The following CSTL1 variants were observed in gnomAD, a reference collection of about 807,000 sequenced individuals.
CSTL1 encodes cystatin like 1.
In CSTL1, 14 loss-of-function variants were observed where a neutral mutation model predicts 14.4. The observed-to-expected ratio is 0.97, with a 90% CI of 0.64 to 1.52. CSTL1 has a LOEUF of 1.52. Ranked by LOEUF, CSTL1 falls within the 40% of genes most tolerant of loss-of-function variation. The pLI, the probability that CSTL1 is intolerant of heterozygous loss-of-function variation, is 0.00. For missense variants in CSTL1, 170 were observed against 168.7 expected (o/e 1.01, Z -0.04); for synonymous variants, 72 against 67.5 (o/e 1.07, Z -0.33).
chr20:23,455,514 G>C, the CSTL1 span, among the ~76,000 whole-genome samples: 7 of 152,234 alleles, frequency 4.6e-5, no homozygotes. Flanking sequence ...CTAGCACGTG[G>C]TGGGGCAGGG....
chr20:23,445,446 A>G (rs1986947662), downstream of CSTL1, among the ~76,000 whole-genome samples: 1 of 151,842 alleles, frequency 6.6e-6, no homozygotes, highest in Admixed American at 6.6e-5. Context: ...TTTTGTGGAG[A>G]CAATATCTCC....
Position 23,440,351 on chromosome 20 carries a change from G to T in CSTL1, c.84G>T (p.Trp28Cys), listed in dbSNP as rs1600271413. 3.1e-6 allele frequency: 5 copies of T among 1,614,200 alleles called. No individual in the cohort carries two copies. In the East Asian group the frequency reaches 1.1e-4, roughly 36 times the overall value. Residue 28 changes from tryptophan (W) to cysteine (C), a missense_variant, in exon 2 of 4, where the codon TGG (tryptophan) becomes TGT (cysteine). Coordinates refer to ENST00000347397, the MANE Select transcript of CSTL1 (RefSeq NM_138283.1). ...LSAKLGHFQR[W>C]EGFQQKLMSK... ...CCAAGCTGGGTCACTTCCAAAGGTG[G>T]GAGGGCTTCCAGCAGAAGCTCATGA...
At chr20:23,451,806 T>A in the CSTL1 span, 1 of 1,607,072 alleles carries the variant, frequency 6.2e-7, no homozygotes, top group East Asian at 2.2e-5. Context: ...AAAGTGCTTT[T>A]ACCCAATACC....
chr20:23,460,166 T>G, the CSTL1 span, among the ~76,000 whole-genome samples: 2 of 152,228 alleles, frequency 1.3e-5, no homozygotes, highest in East Asian at 1.9e-4. Flanking sequence ...AATGGGATCC[T>G]GCTTCACAGC....
downstream of CSTL1, among the ~76,000 whole-genome samples, chr20:23,446,548 G>A (rs535438017): frequency 2.2e-4 from 33 of 152,308 alleles, no homozygotes; most frequent in African/African-American, 7.2e-5. Context: ...GAGCCACTGC[G>A]CCCAGCCTGC....
the CSTL1 span, among the ~76,000 whole-genome samples, chr20:23,457,843 C>A: frequency 3.3e-5 from 5 of 152,130 alleles, no homozygotes; most frequent in Non-Finnish European, 4.4e-5. Flanking sequence ...CTGCAAATTC[C>A]TTTGAAAGTC....
At chr20:23,450,641 A>G in the CSTL1 span, 6 of 1,388,306 alleles carry the variant, frequency 4.3e-6, no homozygotes, top group East Asian at 1.2e-4. Flanking sequence ...TGAAATTTAA[A>G]AGGAGAAGGA....
the CSTL1 span, chr20:23,451,732 A>T: frequency 3.1e-6 from 3 of 979,196 alleles, no homozygotes; most frequent in Non-Finnish European, 4.7e-6. Flanking sequence ...AATTCCAATT[A>T]ATTCTTCCCA....
At chr20:23,444,431 C>A (rs991738477) in intron 3 of CSTL1, among the ~76,000 whole-genome samples, 1 of 152,232 alleles carries the variant, frequency 6.6e-6, no homozygotes, top group African/African-American at 2.4e-5. Flanking sequence ...TGAAAGCTGG[C>A]AGATACAAGG....
At chr20:23,450,545 T>C in the CSTL1 span, 2 of 1,612,586 alleles carry the variant, frequency 1.2e-6, no homozygotes, top group Non-Finnish European at 1.7e-6. Context: ...TTTTGTACTG[T>C]TCAAACCAGG....
At chr20:23,451,288 C>T in the CSTL1 span, among the ~76,000 whole-genome samples, 3 of 135,398 alleles carry the variant, frequency 2.2e-5, no homozygotes, top group Admixed American at 7.0e-5. Flanking sequence ...GAGCTGCCTT[C>T]GGGGGTGGTG....
At chr20:23,455,027 G>A in the CSTL1 span, among the ~76,000 whole-genome samples, 1 of 152,148 alleles carries the variant, frequency 6.6e-6, no homozygotes, top group Admixed American at 6.6e-5. Context: ...TGCCTTATCT[G>A]CCATTGGGAA....
the CSTL1 span, among the ~76,000 whole-genome samples, chr20:23,450,979 C>A: frequency 6.6e-6 from 1 of 152,094 alleles, no homozygotes; most frequent in Non-Finnish European, 1.5e-5. Flanking sequence ...CATTCATCTA[C>A]CCATATGTCC....
intron 2 of CSTL1, 105 bp downstream of exon 2, chr20:23,440,591 GT>G: frequency 1.2e-6 from 1 of 857,658 alleles, no homozygotes; most frequent in Non-Finnish European, 2.0e-6. Flanking sequence ...GTGGTCCTCC[GT>G]GAGGTCCCAA....
In CSTL1 at chr20:23,444,756, T is replaced by C. The variant is rs768606866; in HGVS notation, c.331-15T>C. The C allele has an allele frequency of 5.1e-6, 8 of 1,568,388 alleles. No individual in the cohort carries two copies. In the East Asian group the frequency reaches 9.0e-5, roughly 18 times the overall value. ...AATACTTCCCCCAAAGTCTGTTTTC[T>C]TTCTTCTTCTACAGAGTTTAATTTG... On this transcript the variant is annotated splice_polypyrimidine_tract_variant and intron_variant, in intron 3 of 3. Transcript: ENST00000347397.
At chr20:23,445,047 C>T (rs556907617), downstream of CSTL1, 3 of 644,366 alleles carry the variant, frequency 4.7e-6, no homozygotes, top group Non-Finnish European at 5.6e-6. Context: ...AATGCTCATA[C>T]TCACGACACC....
the CSTL1 span, among the ~76,000 whole-genome samples, chr20:23,456,415 C>T: frequency 6.6e-6 from 1 of 152,316 alleles, no homozygotes; most frequent in African/African-American, 2.4e-5. Context: ...TCCATCTCAC[C>T]AGCCATGGTT....
chr20:23,453,328 G>A, the CSTL1 span, among the ~76,000 whole-genome samples: 11 of 152,236 alleles, frequency 7.2e-5, no homozygotes, highest in South Asian at 1.9e-3. Flanking sequence ...AGGAGCAGAG[G>A]CACCCTACAG....
At chr20:23,447,158 C>T (rs1986984979), downstream of CSTL1, among the ~76,000 whole-genome samples, 1 of 152,190 alleles carries the variant, frequency 6.6e-6, no homozygotes, top group Non-Finnish European at 1.5e-5. Context: ...CAAAGGCAGC[C>T]TCTGTCCAGA....
Sources: gnomAD v4.1 joint callset for allele counts (sites outside exome capture counted in the v4.1 genomes callset) on GRCh38, gnomAD v4.1.1 for gene constraint, MANE v1.5 for transcripts, NCBI Gene and HGNC (gene_info 2026-07-23, HGNC 2026-07-21) for gene names.